The following MCUB variants were observed in gnomAD, a reference collection of about 807,000 sequenced individuals.
MCUB encodes the protein calcium uniporter regulatory subunit MCUb, mitochondrial.
In MCUB, 46 loss-of-function variants were observed where a neutral mutation model predicts 41.4. That is an observed-to-expected ratio of 1.11 (90% confidence interval 0.88 to 1.42). The LOEUF is 1.42. MCUB is among the 40% of genes most tolerant of loss of function. MCUB has a pLI of 0.00. For synonymous variants in MCUB, 148 were observed against 148.2 expected (o/e 1.00, Z 0.01); for missense variants, 403 against 404.9 (o/e 1.00, Z 0.04).
chr4:109,639,264 G>C (rs13133957), intron 1 of MCUB, among the ~76,000 whole-genome samples: 13,581 of 152,162 alleles, frequency 0.089, 668 homozygotes, highest in Middle Eastern at 0.12. Flanking sequence ...TGTGTTACCA[G>C]GCATGAAAAC....
At chr4:109,624,257 A>G (rs1394171850) in intron 1 of MCUB, among the ~76,000 whole-genome samples, 1 of 152,168 alleles carries the variant, frequency 6.6e-6, no homozygotes, top group African/African-American at 2.4e-5. Context: ...AAACACAACC[A>G]CACTCAACTC....
At chr4:109,629,063 T>C (rs1728420852) in intron 1 of MCUB, among the ~76,000 whole-genome samples, 1 of 152,170 alleles carries the variant, frequency 6.6e-6, no homozygotes, top group South Asian at 2.1e-4. Flanking sequence ...GAAATTTAGA[T>C]TATGTTTTCT....
intron 1 of MCUB, among the ~76,000 whole-genome samples, chr4:109,621,975 A>G (rs984129609): frequency 2.8e-4 from 43 of 152,078 alleles, no homozygotes; most frequent in African/African-American, 9.9e-4. Context: ...TCTGCCTCCC[A>G]GGTTCAAGCA....
intron 1 of MCUB, among the ~76,000 whole-genome samples, chr4:109,601,979 A>G (rs1046142123): frequency 6.6e-6 from 1 of 152,138 alleles, no homozygotes; most frequent in Non-Finnish European, 1.5e-5. Flanking sequence ...TTCTCTGATG[A>G]TTGATGTTGA....
At chr4:109,642,411 C>T (rs1433923823) in intron 1 of MCUB, among the ~76,000 whole-genome samples, 1 of 152,108 alleles carries the variant, frequency 6.6e-6, no homozygotes, top group Non-Finnish European at 1.5e-5. Context: ...AGATATGGTG[C>T]TTTTGTGGCA....
chr4:109,573,810 A>G (rs1726967818), intron 1 of MCUB, among the ~76,000 whole-genome samples: 1 of 151,814 alleles, frequency 6.6e-6, no homozygotes, highest in Admixed American at 6.6e-5. Flanking sequence ...AGGGAGGTGC[A>G]TTCAGAAGAT....
chr4:109,632,498 G>A (rs1728495461), intron 1 of MCUB, among the ~76,000 whole-genome samples: 1 of 152,132 alleles, frequency 6.6e-6, no homozygotes, highest in African/African-American at 2.4e-5. Flanking sequence ...GAATTTGGGA[G>A]CAGATTACCT....
chr4:109,684,378 T>A, intron 5 of MCUB, 65 bp from the exon 6 acceptor site: 2 of 1,349,012 alleles, frequency 1.5e-6, no homozygotes, highest in Non-Finnish European at 2.0e-6. Flanking sequence ...CCTTTTCATC[T>A]TGCTTTTTGT....
rs1398519301 is a variant in MCUB, at chr4:109,577,889, T to C, written c.99+17453T>C. Among the ~76,000 whole-genome samples, 4 of 28,582 alleles carry C rather than the reference T, an allele frequency of 1.4e-4. 2 individuals are homozygous for C. In the East Asian group the frequency reaches 4.2e-3, roughly 30 times the overall value. 18.8% of individuals were successfully genotyped at this position (28,582 alleles called of 152,430 possible). A position where few individuals can be genotyped will look rare whatever the true frequency, so the allele number is the denominator to read the frequency against. Reference sequence around the variant, plus strand: ...CCTCCCAAAGTGCTGGGATTACAGGTGTGAGCCACCGCGCCCGGCCGGGTA... The same window carrying C: ...CCTCCCAAAGTGCTGGGATTACAGGCGTGAGCCACCGCGCCCGGCCGGGTA... On this transcript the variant is annotated intron_variant, in intron 1 of 7. Coordinates refer to ENST00000394650, the MANE Select transcript of MCUB (RefSeq NM_017918.5).
chr4:109,596,350 CAG>C (rs1337812308), intron 1 of MCUB, among the ~76,000 whole-genome samples: 6 of 130,010 alleles, frequency 4.6e-5, no homozygotes, highest in Middle Eastern at 7.2e-3. Flanking sequence ...TCCTTGGACA[CAG>C]GGGGCAAACC....
chr4:109,658,894 G>C, intron 1 of MCUB, 117 bp from the exon 2 acceptor site: 1 of 709,762 alleles, frequency 1.4e-6, no homozygotes. Flanking sequence ...GACAAGTTGA[G>C]TTTTTCATTA....
chr4:109,639,235 T>TG (rs1728664664), intron 1 of MCUB, among the ~76,000 whole-genome samples: 1 of 152,246 alleles, frequency 6.6e-6, no homozygotes, highest in Non-Finnish European at 1.5e-5. Context: ...CCTTGATCCA[T>TG]GGGCTTCAAA....
rs959164897 is a variant in MCUB at position 109,687,572 on chromosome 4, G to T, written c.991G>T (p.Glu331Ter). The change falls in exon 8 of 8, where the codon GAA becomes TAA. Residue 331 changes from glutamate (E) to a stop codon, truncating the protein, a stop_gained. Transcript: ENST00000394650. LOFTEE classifies it high-confidence loss of function. ...TCTCTGTTTGCAAATGCAAGTAGAAGAACTCAATGAAAAGAATTAATCTTA... is the reference window on the plus strand; with the variant it reads ...TCTCTGTTTGCAAATGCAAGTAGAATAACTCAATGAAAAGAATTAATCTTA... ...HSLCLQMQVEELNEKN is the reference protein window; with the variant it reads ...HSLCLQMQVE 2.5e-6 allele frequency: 4 copies of T among 1,608,464 alleles called. No individual in the cohort carries two copies. Among genetic ancestry groups the T allele is most frequent in the Non-Finnish European group, 3.4e-6 (4 of 1,175,258 alleles).
intron 1 of MCUB, among the ~76,000 whole-genome samples, chr4:109,576,104 A>G (rs569681367): frequency 6.6e-6 from 1 of 152,334 alleles, no homozygotes; most frequent in South Asian, 2.1e-4. Flanking sequence ...AGCAGTAACA[A>G]TTCATTTTAT....
intron 1 of MCUB, among the ~76,000 whole-genome samples, chr4:109,567,847 C>T (rs1403801701): frequency 3.9e-5 from 6 of 151,916 alleles, no homozygotes; most frequent in African/African-American, 1.2e-4. Flanking sequence ...TACAGCCGCC[C>T]GCCACCATGC....
intron 1 of MCUB, among the ~76,000 whole-genome samples, chr4:109,566,469 CA>C (rs60385848): frequency 5.6e-3 from 742 of 132,334 alleles, no homozygotes; most frequent in Non-Finnish European, 8.5e-3. Context: ...GACTCTGTCT[CA>C]AAAAAAAAAA....
chr4:109,573,924 T>G lies in MCUB; in HGVS notation c.99+13488T>G, dbSNP rs191744032. On this transcript the variant is annotated intron_variant, in intron 1 of 7. Transcript: ENST00000394650. ...GTTTCGCTCTGTTGCTCAGGCTGGA[T>G]TGCAGTGGCGCAATCTCGGCTCACT... Among the ~76,000 whole-genome samples the G allele has an allele frequency of 1.8e-4, 26 of 147,066 alleles. No individual in the cohort carries two copies. The East Asian group carries it at 5.2e-3, about 30-fold the overall frequency.
At chr4:109,658,308 T>TTC (rs1729149616) in intron 1 of MCUB, among the ~76,000 whole-genome samples, 1 of 152,144 alleles carries the variant, frequency 6.6e-6, no homozygotes, top group Non-Finnish European at 1.5e-5. Flanking sequence ...TGCATTTTTT[T>TTC]TTTTTTAAGA....
At chr4:109,657,218 CAAAAAAAA>C (rs56707630) in intron 1 of MCUB, among the ~76,000 whole-genome samples, 5 of 111,410 alleles carry the variant, frequency 4.5e-5, no homozygotes, top group Non-Finnish European at 7.4e-5. Flanking sequence ...TATTCCATCT[CAAAAAAAA>C]AAAAAAAAAA....
Sources: allele counts gnomAD v4.1 joint callset (sites outside exome capture counted in the v4.1 genomes callset), GRCh38; gene constraint gnomAD v4.1.1; transcripts MANE v1.5; gene names NCBI Gene and HGNC (gene_info 2026-07-23, HGNC 2026-07-21).